MICU3: variants seen among roughly 807,000 people sequenced by gnomAD.
MICU3 encodes the protein calcium uptake protein 3, mitochondrial.
Under a neutral mutation model 66.5 loss-of-function variants are expected in MICU3, and 62 were observed. The ratio of observed to expected loss-of-function variants is 0.93; its 90% CI spans 0.76 to 1.15. MICU3 has a LOEUF of 1.15. MICU3 is among the 50% of genes most tolerant of loss of function. The pLI is 0.00. For synonymous variants in MICU3, 308 were observed against 240.7 expected (o/e 1.28, Z -2.59); for missense variants, 779 against 664.4 (o/e 1.17, Z -1.90).
intron 1 of MICU3, among the ~76,000 whole-genome samples, chr8:17,059,330 A>G (rs1440507112): frequency 6.6e-6 from 1 of 152,238 alleles, no homozygotes; most frequent in Non-Finnish European, 1.5e-5. Context: ...TTCAGAGAAC[A>G]AAGTAGACCA....
At chr8:17,039,163 CT>C (rs1813598275) in intron 1 of MICU3, among the ~76,000 whole-genome samples, 1 of 152,078 alleles carries the variant, frequency 6.6e-6, no homozygotes, top group South Asian at 2.1e-4. Context: ...AAGTTATGTA[CT>C]GTTGTAGACA....
chr8:17,101,361 A>G (rs983310928), intron 9 of MICU3, among the ~76,000 whole-genome samples: 9 of 151,848 alleles, frequency 5.9e-5, no homozygotes, highest in Admixed American at 4.6e-4. Context: ...TAAGATCCCA[A>G]GGACACTGGT....
At chr8:17,124,945 C>G (rs183055962), downstream of MICU3, among the ~76,000 whole-genome samples, 1 of 152,074 alleles carries the variant, frequency 6.6e-6, no homozygotes, top group Non-Finnish European at 1.5e-5. Context: ...AATTAATGTA[C>G]CTTGATAAAA....
chr8:17,028,659 G>C (rs1017542099), intron 1 of MICU3, among the ~76,000 whole-genome samples: 10 of 152,280 alleles, frequency 6.6e-5, no homozygotes, highest in African/African-American at 2.4e-4. Context: ...CTTTGGTGGA[G>C]GTTGTCAATG....
chr8:17,087,717 G>C (rs1799619770), intron 7 of MICU3, among the ~76,000 whole-genome samples: 1 of 152,004 alleles, frequency 6.6e-6, no homozygotes, highest in African/African-American at 2.4e-5. Context: ...AATTATAGAT[G>C]AGGAAACTGA....
chr8:17,124,685 T>C (rs1040666618), downstream of MICU3, among the ~76,000 whole-genome samples: 1 of 151,880 alleles, frequency 6.6e-6, no homozygotes, highest in Non-Finnish European at 1.5e-5. Flanking sequence ...GCACAGTAAG[T>C]AAATTTTGAG....
intron 1 of MICU3, among the ~76,000 whole-genome samples, chr8:17,036,006 G>C (rs1277360161): frequency 6.6e-6 from 1 of 152,176 alleles, no homozygotes. Flanking sequence ...GTCCGGAATT[G>C]ATGGGTTCTT....
intron 1 of MICU3, chr8:17,049,630 T>C (rs1815713362): frequency 3.9e-6 from 2 of 518,546 alleles, no homozygotes; most frequent in East Asian, 5.5e-5. Context: ...GCCGGAAGGA[T>C]TGCAAAACCC....
At chr8:17,107,792 C>A (rs1354638915) in intron 11 of MICU3, among the ~76,000 whole-genome samples, 3 of 152,168 alleles carry the variant, frequency 2.0e-5, no homozygotes, top group Non-Finnish European at 4.4e-5. Context: ...GCTCATTCAG[C>A]AAATATTCAA....
chr8:17,098,189 A>C (rs76376674), intron 8 of MICU3, among the ~76,000 whole-genome samples: 1 of 151,682 alleles, frequency 6.6e-6, no homozygotes, highest in Non-Finnish European at 1.5e-5. Flanking sequence ...GTAGAGGGGC[A>C]GAAGGAGAGA....
intron 6 of MICU3, among the ~76,000 whole-genome samples, 191 bp from the exon 7 acceptor site, chr8:17,086,773 G>A (rs1799514039): frequency 6.6e-6 from 1 of 151,858 alleles, no homozygotes; most frequent in African/African-American, 2.4e-5. Context: ...TTAATTATGG[G>A]TTACCAATAC....
At chr8:17,051,081 G>A (rs1262905351) in intron 1 of MICU3, among the ~76,000 whole-genome samples, 1 of 152,044 alleles carries the variant, frequency 6.6e-6, no homozygotes, top group Non-Finnish European at 1.5e-5. Context: ...TCTGAAACTT[G>A]AGGAAAAATC....
chr8:17,099,339 G>A (rs1262648390), intron 9 of MICU3, among the ~76,000 whole-genome samples: 4 of 151,710 alleles, frequency 2.6e-5, no homozygotes, highest in Non-Finnish European at 5.9e-5. Flanking sequence ...TCTCTTTACA[G>A]TGGGCTTCTC....
downstream of MICU3, among the ~76,000 whole-genome samples, chr8:17,125,681 C>G (rs901515928): frequency 2.6e-5 from 4 of 152,064 alleles, no homozygotes; most frequent in African/African-American, 9.7e-5. Flanking sequence ...AATCTTGAAG[C>G]CCCTTTCTTC....
intron 9 of MICU3, among the ~76,000 whole-genome samples, chr8:17,100,781 C>G (rs1203077584): frequency 6.6e-6 from 1 of 151,602 alleles, no homozygotes; most frequent in East Asian, 1.9e-4. Context: ...ATTTGAATAT[C>G]AGAGCTAAGA....
chr8:17,125,255 T>A (rs950527930), downstream of MICU3, among the ~76,000 whole-genome samples: 1 of 152,130 alleles, frequency 6.6e-6, no homozygotes, highest in Non-Finnish European at 1.5e-5. Context: ...TTTAATTTCA[T>A]CATATTCTTT....
intron 10 of MICU3, 40 bp from the exon 11 acceptor site, chr8:17,105,371 CTT>C: frequency 8.0e-7 from 1 of 1,248,686 alleles, no homozygotes; most frequent in South Asian, 1.4e-5. Flanking sequence ...TACGATTACT[CTT>C]TCTTTATCTT....
At chr8:17,086,757 T>C (rs1289050226) in intron 6 of MICU3, among the ~76,000 whole-genome samples, 1 of 152,120 alleles carries the variant, frequency 6.6e-6, no homozygotes, top group African/African-American at 2.4e-5. Flanking sequence ...ATTAAGTACA[T>C]TTAACTTAAT....
At chr8:17,074,061 T>A (rs939567991) in intron 3 of MICU3, among the ~76,000 whole-genome samples, 4 of 151,332 alleles carry the variant, frequency 2.6e-5, no homozygotes, top group Non-Finnish European at 2.9e-5. Context: ...TTTGGTTTTT[T>A]TTTTTATTTT....
Sources: allele counts gnomAD v4.1 joint callset (sites outside exome capture counted in the v4.1 genomes callset), GRCh38; gene constraint gnomAD v4.1.1; transcripts MANE v1.5; gene names NCBI Gene and HGNC (gene_info 2026-07-23, HGNC 2026-07-21).